DNAJB11: variants seen among roughly 807,000 people sequenced by gnomAD.
The protein encoded by DNAJB11 is dnaJ homolog subfamily B member 11.
In DNAJB11, 30 loss-of-function variants were observed where a neutral mutation model predicts 47.2. The ratio of observed to expected loss-of-function variants is 0.64; its 90% CI spans 0.48 to 0.86. The LOEUF (loss-of-function observed/expected upper bound fraction) is 0.86. DNAJB11 is among the 40% of genes least tolerant of loss of function. The pLI, the probability that DNAJB11 is intolerant of heterozygous loss-of-function variation, is 0.00. For missense variants in DNAJB11, 357 were observed against 440.2 expected (o/e 0.81, Z 1.69); for synonymous variants, 151 against 159.9 (o/e 0.94, Z 0.42).
rs772150680 is a variant in DNAJB11, at chr3:186,572,191, C to T, written c.165C>T (p.Asp55=). 2 of 1,613,980 alleles carry T rather than the reference C, an allele frequency of 1.2e-6. No homozygotes were observed. Among genetic ancestry groups the T allele is most frequent in the Middle Eastern group, 1.7e-4 (1 of 6,060 alleles). ...YRKLALQLHP[D]RNPDDPQAQE... ...AACTAGCCCTGCAGCTTCATCCCGA[C>T]CGGAACCCTGATGATCCACAAGCCC... The change falls in exon 2 of 10, where the codon GAC becomes GAT. Residue 55 remains aspartate (D), a synonymous_variant. Coordinates refer to ENST00000265028, the MANE Select transcript of DNAJB11 (RefSeq NM_016306.6).
intron 4 of DNAJB11, 98 bp from the exon 5 acceptor site, chr3:186,581,273 G>A (rs1715473511): frequency 9.5e-6 from 13 of 1,375,362 alleles, no homozygotes; most frequent in Admixed American, 6.6e-5. Flanking sequence ...AGAAGGGGAA[G>A]TTTCAGTCCA....
At chr3:186,579,162 T>G (rs1183159389) in intron 4 of DNAJB11, 2 of 152,268 alleles carry the variant, frequency 1.3e-5, no homozygotes, top group African/African-American at 4.8e-5. Context: ...CTGGGATCTT[T>G]TAATATGAGG....
rs189919452 is a variant in DNAJB11, at chr3:186,583,022, A to G, written c.740+249A>G. ...TAATTGATAAGTAAGGAGTTATAAA[A>G]GAGAAACAAACAAGATAGGGAGTCA... On this transcript the variant is annotated intron_variant, in intron 7 of 9. Coordinates refer to ENST00000265028, the MANE Select transcript of DNAJB11 (RefSeq NM_016306.6). Among the ~76,000 whole-genome samples the G allele has an allele frequency of 1.5e-3, 229 of 152,398 alleles. 2 individuals carry two copies. The highest frequency in any genetic ancestry group is 3.8e-3 in the African/African-American group (160 of 41,596).
rs572337874 is a variant in DNAJB11 at position 186,577,132 on chromosome 3, C to T, written c.324-536C>T. 2.0e-5 allele frequency among the ~76,000 whole-genome samples: 3 copies of T among 152,246 alleles called. No individual in the cohort carries two copies. In the East Asian group the frequency reaches 5.8e-4, roughly 29 times the overall value. ...TTTACTAAGGCTGATGCTTTTTTAG[C>T]TTATTTAATTACATACTCAAGATTT... is the stretch of plus-strand genomic sequence containing the variant. On this transcript the variant is annotated intron_variant, in intron 3 of 9. Coordinates refer to ENST00000265028, the MANE Select transcript of DNAJB11 (RefSeq NM_016306.6).
At chr3:186,575,383 GTGTGTGTGTC>G (rs1329551038) in intron 2 of DNAJB11, among the ~76,000 whole-genome samples, 6 of 152,084 alleles carry the variant, frequency 3.9e-5, no homozygotes, top group African/African-American at 1.2e-4. Flanking sequence ...GTGTGTGTGT[GTGTGTGTGTC>G]TGTGTGTGTG....
chr3:186,580,364 A>G (rs1269558318), intron 4 of DNAJB11: 2 of 152,192 alleles, frequency 1.3e-5, no homozygotes, highest in African/African-American at 2.4e-5. Context: ...GGATAGCACA[A>G]TGGTTAAGGA....
chr3:186,584,697 A>G lies in DNAJB11; in HGVS notation c.1012+108A>G, dbSNP rs1319437487. ...GAAGAACTCTCCAGTGACATGAGAC[A>G]TCAATCATTAATGCTAGTAGAACAC... On this transcript the variant is annotated intron_variant, in intron 9 of 9. Coordinates refer to ENST00000265028, the MANE Select transcript of DNAJB11 (RefSeq NM_016306.6). 3.5e-6 allele frequency: 4 copies of G among 1,140,782 alleles called. No homozygotes were observed. In the East Asian group the frequency reaches 1.2e-4, roughly 36 times the overall value. 70.7% of individuals were successfully genotyped at this position (1,140,782 alleles called of 1,614,324 possible). A position where few individuals can be genotyped will look rare whatever the true frequency, so the allele number is the denominator to read the frequency against.
Position 186,575,807 on chromosome 3 carries a change from A to G in DNAJB11, c.226-33A>G, listed in dbSNP as rs146247183. The G allele has an allele frequency of 9.0e-3, 13,990 of 1,550,786 alleles. 76 individuals carry two copies. The highest frequency in any genetic ancestry group is 0.011 in the Non-Finnish European group (12,050 of 1,123,668). On this transcript the variant is annotated intron_variant, in intron 2 of 9. Coordinates refer to ENST00000265028, the MANE Select transcript of DNAJB11 (RefSeq NM_016306.6). ...TGCCTTAACTGGATATTACCAACTC[A>G]TGATCTTTTCCTCCACTGGCTTTTA...
At chr3:186,579,265 A>G (rs1715403428) in intron 4 of DNAJB11, 1 of 152,174 alleles carries the variant, frequency 6.6e-6, no homozygotes, top group Non-Finnish European at 1.5e-5. Flanking sequence ...TTTCTTTTAA[A>G]TACAAAAAAT....
intron 3 of DNAJB11, 78 bp from the exon 4 acceptor site, chr3:186,577,590 G>C: frequency 2.2e-6 from 3 of 1,341,756 alleles, no homozygotes; most frequent in Non-Finnish European, 3.0e-6. Context: ...GTTTATCAAC[G>C]TAAAGAAAAT....
chr3:186,581,345 G>T (rs1715477426), intron 4 of DNAJB11, 26 bp from the exon 5 acceptor site: 2 of 1,612,338 alleles, frequency 1.2e-6, no homozygotes, highest in Admixed American at 1.7e-5. Flanking sequence ...CAAGAGAGAA[G>T]CTGATGTTGT....
At chr3:186,581,766 C>T (rs1046495568) in intron 5 of DNAJB11, among the ~76,000 whole-genome samples, 1 of 151,950 alleles carries the variant, frequency 6.6e-6, no homozygotes, top group African/African-American at 2.4e-5. Context: ...TCATTTTCTT[C>T]CTTCTTGTAC....
At position 186,572,238 on chromosome 3, in the gene DNAJB11, G is replaced by T; in HGVS notation, c.212G>T (p.Gly71Val). 1.2e-6 allele frequency: 2 copies of T among 1,607,296 alleles called. No individual in the cohort carries two copies. Among genetic ancestry groups the T allele is most frequent in the Non-Finnish European group, 1.7e-6 (2 of 1,178,274 alleles). Residue 71 changes from glycine (G) to valine (V), a missense_variant, in exon 2 of 10, where the codon GGT becomes GTT. Physicochemically the swap from Gly to Val is moderately radical, Grantham distance 109. Transcript: ENST00000265028. ...GCCCAGGAGAAATTCCAGGATCTGG[G>T]TGCTGCTTATGAGGTGAGTTGGGAA... is the stretch of plus-strand genomic sequence containing the variant. Reference protein sequence around the residue: ...PQAQEKFQDLGAAYEVLSDSE... With the variant: ...PQAQEKFQDLVAAYEVLSDSE...
chr3:186,584,067 C>T (rs1715580875), intron 8 of DNAJB11, 91 bp downstream of exon 8: 1 of 895,174 alleles, frequency 1.1e-6, no homozygotes, highest in Admixed American at 1.8e-5. Context: ...CATTGAGAAC[C>T]AGATGGACTC....
chr3:186,578,364 G>T (rs940823583), intron 4 of DNAJB11: 4 of 151,984 alleles, frequency 2.6e-5, no homozygotes, highest in African/African-American at 9.7e-5. Flanking sequence ...CATATTTCCA[G>T]GTTCAGATGA....
At chr3:186,581,566 C>G in intron 5 of DNAJB11, 53 bp downstream of exon 5, 1 of 1,587,054 alleles carries the variant, frequency 6.3e-7, no homozygotes, top group Non-Finnish European at 8.6e-7. Context: ...TAATTTCGTT[C>G]ATCTAGTCAA....
chr3:186,577,857 A>AAGTGCAAGTT (rs1715354155), intron 4 of DNAJB11, 57 bp downstream of exon 4: 6 of 1,466,668 alleles, frequency 4.1e-6, no homozygotes, highest in Non-Finnish European at 5.5e-6. Context: ...ACTTTTGACT[A>AAGTGCAAGTT]AAAATAAGAG....
At chr3:186,577,469 A>G (rs1182183378) in intron 3 of DNAJB11, among the ~76,000 whole-genome samples, 199 bp from the exon 4 acceptor site, 2 of 152,194 alleles carry the variant, frequency 1.3e-5, no homozygotes, top group African/African-American at 4.8e-5. Context: ...AAGGGACCGT[A>G]TAGTTACAAC....
intron 3 of DNAJB11, among the ~76,000 whole-genome samples, chr3:186,577,252 A>G (rs2108479404): frequency 6.6e-6 from 1 of 152,320 alleles, no homozygotes; most frequent in African/African-American, 2.4e-5. Context: ...AAAATTTCTT[A>G]AATTAACCAT....
Sources: allele counts gnomAD v4.1 joint callset (sites outside exome capture counted in the v4.1 genomes callset), GRCh38; gene constraint gnomAD v4.1.1; transcripts MANE v1.5; gene names NCBI Gene and HGNC (gene_info 2026-07-23, HGNC 2026-07-21).